ADGRL3: variants seen among roughly 807,000 people sequenced by gnomAD.
ADGRL3 encodes the protein adhesion G protein-coupled receptor L3.
A neutral mutation model predicts 153.5 loss-of-function variants in ADGRL3; 62 were observed. The observed-to-expected ratio is 0.40, with a 90% confidence interval of 0.33 to 0.50. The LOEUF (loss-of-function observed/expected upper bound fraction) is 0.50. ADGRL3 is among the 20% of genes least tolerant of loss of function. The pLI is 0.47. For synonymous variants in ADGRL3, 710 were observed against 672.5 expected (o/e 1.06, Z -0.86); for missense variants, 1,641 against 1,859.4 (o/e 0.88, Z 2.16).
chr4:61,768,003 G>T (rs903671820), intron 8 of ADGRL3, among the ~76,000 whole-genome samples: 2 of 152,108 alleles, frequency 1.3e-5, no homozygotes. Flanking sequence ...AATGTATATT[G>T]AGAATAAGAC....
intron 2 of ADGRL3, among the ~76,000 whole-genome samples, chr4:61,439,761 A>G (rs993819791): frequency 1.8e-4 from 27 of 152,148 alleles, no homozygotes; most frequent in African/African-American, 5.8e-4. Context: ...AGCTTCAGCC[A>G]TGTCCCTTTC....
At chr4:61,959,528 T>C (rs948349674) in intron 17 of ADGRL3, among the ~76,000 whole-genome samples, 5 of 152,134 alleles carry the variant, frequency 3.3e-5, no homozygotes, top group African/African-American at 7.2e-5. Flanking sequence ...TTTAAAGCCA[T>C]TGTATTTCTT....
intron 3 of ADGRL3, among the ~76,000 whole-genome samples, chr4:61,505,553 TG>T (rs1211790255): frequency 6.6e-6 from 1 of 152,148 alleles, no homozygotes; most frequent in Non-Finnish European, 1.5e-5. Flanking sequence ...GATTAAACTC[TG>T]GTAGCCAAGA....
intron 11 of ADGRL3, among the ~76,000 whole-genome samples, chr4:61,904,805 T>C (rs965977985): frequency 6.6e-6 from 1 of 152,314 alleles, no homozygotes; most frequent in African/African-American, 2.4e-5. Flanking sequence ...TCAATACTTG[T>C]ATCCTTCGTT....
chr4:61,766,656 C>T (rs2096985082), intron 8 of ADGRL3, among the ~76,000 whole-genome samples: 1 of 151,926 alleles, frequency 6.6e-6, no homozygotes, highest in African/African-American at 2.4e-5. Flanking sequence ...TGGGGGCTGT[C>T]TGTGAAGCTT....
chr4:61,323,645 A>G (rs998383332), intron 1 of ADGRL3, among the ~76,000 whole-genome samples: 2 of 152,142 alleles, frequency 1.3e-5, no homozygotes, highest in Non-Finnish European at 2.9e-5. Context: ...TCCAGTTCCC[A>G]AGTTCCTCAT....
chr4:61,932,574 T>G (rs2098821890), intron 13 of ADGRL3, among the ~76,000 whole-genome samples: 1 of 152,202 alleles, frequency 6.6e-6, no homozygotes, highest in African/African-American at 2.4e-5. Context: ...GGATTTAGTT[T>G]GCTAGCATTT....
intron 8 of ADGRL3, among the ~76,000 whole-genome samples, chr4:61,788,750 C>T (rs985981263): frequency 6.6e-6 from 1 of 152,064 alleles, no homozygotes; most frequent in African/African-American, 2.4e-5. Flanking sequence ...AATACAAGAC[C>T]ATGTTAATGT....
intron 5 of ADGRL3, among the ~76,000 whole-genome samples, chr4:61,627,017 A>G (rs2092871960): frequency 6.6e-6 from 1 of 152,144 alleles, no homozygotes; most frequent in Non-Finnish European, 1.5e-5. Flanking sequence ...CAATAAGAGT[A>G]TACTTCATCA....
chr4:61,402,396 T>A (rs2096940110), intron 2 of ADGRL3, among the ~76,000 whole-genome samples: 1 of 152,152 alleles, frequency 6.6e-6, no homozygotes, highest in African/African-American at 2.4e-5. Context: ...ATTTTGAAAT[T>A]ATAATGCTGT....
At chr4:61,927,003 A>G (rs531031193) in intron 13 of ADGRL3, among the ~76,000 whole-genome samples, 1 of 152,228 alleles carries the variant, frequency 6.6e-6, no homozygotes, top group South Asian at 2.1e-4. Context: ...GAATTCTCCT[A>G]CTTCATGGAG....
chr4:61,907,683 G>T (rs1295096356), intron 11 of ADGRL3, among the ~76,000 whole-genome samples: 2 of 151,688 alleles, frequency 1.3e-5, no homozygotes, highest in Non-Finnish European at 2.9e-5. Context: ...ATATTGGGGA[G>T]ATGTGCTGTG....
At chr4:61,867,712 T>C in intron 9 of ADGRL3, among the ~76,000 whole-genome samples, 1 of 151,382 alleles carries the variant, frequency 6.6e-6, no homozygotes, top group Non-Finnish European at 1.5e-5. Flanking sequence ...GTCTGTTTTA[T>C]GCTAAGTCTG....
intron 1 of ADGRL3, among the ~76,000 whole-genome samples, chr4:61,356,094 C>A (rs1244087169): frequency 1.3e-5 from 2 of 151,910 alleles, no homozygotes; most frequent in Non-Finnish European, 2.9e-5. Context: ...TTTGACTACA[C>A]CTTCGTTTCT....
intron 8 of ADGRL3, among the ~76,000 whole-genome samples, chr4:61,764,462 TCA>T (rs2096951766): frequency 1.6e-5 from 2 of 126,942 alleles, no homozygotes; most frequent in East Asian, 2.5e-4. Flanking sequence ...CGCAAGGTGC[TCA>T]GTGGGGATGC....
chr4:61,433,574 T>C (rs2097403609), intron 2 of ADGRL3, among the ~76,000 whole-genome samples: 1 of 152,216 alleles, frequency 6.6e-6, no homozygotes, highest in South Asian at 2.1e-4. Flanking sequence ...TATATTTGCA[T>C]TTATTCCTTT....
At chr4:61,439,929 T>A (rs933364878) in intron 2 of ADGRL3, among the ~76,000 whole-genome samples, 3 of 152,210 alleles carry the variant, frequency 2.0e-5, no homozygotes, top group Non-Finnish European at 2.9e-5. Context: ...AACATATACA[T>A]TTAATTTTTA....
At chr4:62,068,299 C>A in intron 26 of ADGRL3, 116 bp downstream of exon 26, 2 of 888,930 alleles carry the variant, frequency 2.2e-6, no homozygotes, top group Non-Finnish European at 3.3e-6. Context: ...AATTTAAAAA[C>A]TAAAAAGCCT....
At chr4:61,341,325 A>G in intron 1 of ADGRL3, among the ~76,000 whole-genome samples, 1 of 152,102 alleles carries the variant, frequency 6.6e-6, no homozygotes, top group Middle Eastern at 3.4e-3. Context: ...AGTAAACTTT[A>G]TTAGTATATT....
Sources: gnomAD v4.1 joint callset for allele counts (sites outside exome capture counted in the v4.1 genomes callset) on GRCh38, gnomAD v4.1.1 for gene constraint, MANE v1.5 for transcripts, NCBI Gene and HGNC (gene_info 2026-07-23, HGNC 2026-07-21) for gene names.